The following COQ10A variants were observed in gnomAD, a reference collection of about 807,000 sequenced individuals.
COQ10A encodes the protein coenzyme Q10A.
In COQ10A, 25 loss-of-function variants were observed where a neutral mutation model predicts 26.1. The ratio of observed to expected loss-of-function variants is 0.96; its 90% CI spans 0.70 to 1.34. The LOEUF (loss-of-function observed/expected upper bound fraction) is 1.34, where lower values mean the gene tolerates loss of function less well. COQ10A is among the 40% of genes most tolerant of loss of function. The probability of loss-of-function intolerance (pLI) is 0.00; values close to 1 mark genes in which losing one functional copy is unlikely to be tolerated. For synonymous variants in COQ10A, 132 were observed against 124.0 expected, an observed-to-expected ratio of 1.06 and a Z score of -0.43; for missense variants, 312 against 335.4, an observed-to-expected ratio of 0.93 and a Z score of 0.54.
chr12:56,270,371 CTTAT>C lies in COQ10A; in HGVS notation c.*61_*64del, dbSNP rs746693509. ...CTACCCCACTTCCCTACACAATTCTCTTATTTATTTGGTTTGGCTCCTGTTCCAA... is the reference window on the plus strand; with the variant it reads ...CTACCCCACTTCCCTACACAATTCTCTTATTTGGTTTGGCTCCTGTTCCAA... On this transcript the variant is annotated 3_prime_UTR_variant, in exon 5 of 5. Coordinates refer to ENST00000308197, the MANE Select transcript of COQ10A (RefSeq NM_144576.4). 603 of 1,549,470 alleles carry C rather than the reference CTTAT, an allele frequency of 3.9e-4. No individual in the cohort carries two copies. Among genetic ancestry groups the C allele is most frequent in the Middle Eastern group, 8.7e-4 (5 of 5,752 alleles).
chr12:56,267,473 G>A (rs1301549498), intron 1 of COQ10A: 1 of 1,611,766 alleles, frequency 6.2e-7, no homozygotes, highest in African/African-American at 1.3e-5. Context: ...CGGGCGCCCT[G>A]GGGTCCCCGG....
intron 2 of COQ10A, chr12:56,268,155 TA>T: frequency 1.6e-6 from 1 of 632,702 alleles, no homozygotes; most frequent in Non-Finnish European, 2.7e-6. Context: ...GAAATGAGAC[TA>T]GGGTTGGACT....
rs759099662 is a variant in COQ10A, at chr12:56,267,922, C to T, written c.263C>T (p.Ser88Leu). The change falls in exon 2 of 5, where the codon TCG becomes TTG. Residue 88 changes from serine to leucine, a missense_variant. Transcript: ENST00000308197. ...APFTNKRKAY[S>L]ERRIMGYSMQ... ...TTCACCAACAAGCGAAAGGCTTACT[C>T]GGAGCGTAGAATCATGGGGTAAGCA... is the stretch of plus-strand genomic sequence containing the variant. 17 of 1,614,010 alleles carry T rather than the reference C, an allele frequency of 1.1e-5. No individual in the cohort carries two copies. In the South Asian group the frequency reaches 1.6e-4, roughly 16 times the overall value.
intron 2 of COQ10A, chr12:56,268,454 C>T (rs1245132286): frequency 1.2e-5 from 2 of 164,442 alleles, no homozygotes; most frequent in Admixed American, 1.2e-4. Flanking sequence ...GCACTCCAGC[C>T]TGGGCGACAG....
chr12:56,267,615 T>A, intron 1 of COQ10A, 179 bp from the exon 2 acceptor site: 1 of 1,165,458 alleles, frequency 8.6e-7, no homozygotes, highest in Non-Finnish European at 1.3e-6. Context: ...TTAGCTGCCC[T>A]CGACCTTTTG....
rs895331850 is a variant in COQ10A at position 56,268,161 on chromosome 12, T to C, written c.281+221T>C. On this transcript the variant is annotated intron_variant, in intron 2 of 4. Transcript: ENST00000308197. ...TGCTTAAGTGAAATGAGACTAGGGT[T>C]GGACTATACTTTAAGACAACAGGGC... The C allele has an allele frequency of 9.8e-6, 6 of 612,172 alleles. No homozygotes were observed. In the African/African-American group the frequency reaches 1.1e-4, roughly 11 times the overall value. The allele number at this position is 612,172 out of a possible 1,614,324, so 37.9% of individuals were successfully genotyped here.
chr12:56,270,014 A>T (rs1197597312), intron 4 of COQ10A, 136 bp from the exon 5 acceptor site: 1 of 829,138 alleles, frequency 1.2e-6, no homozygotes. Context: ...CTCAGTCCCA[A>T]GTTAGGGCTC....
rs766654382 is a variant in COQ10A at position 56,269,100 on chromosome 12, A to G, written c.323A>G (p.Gln108Arg). Residue 108 changes from glutamine (Q) to arginine (R), a missense_variant, in exon 3 of 5, where the codon CAG becomes CGG. Transcript: ENST00000308197. ...QEMYEVVSNV[Q>R]EYREFVPWCK... is the part of the protein sequence containing the mutation. ...ATGTATGAGGTGGTGTCCAACGTCC[A>G]GGAGTATCGTGAGTTTGTGCCCTGG... The G allele has an allele frequency of 6.2e-7, 1 of 1,613,980 alleles. No homozygotes were observed. Among genetic ancestry groups the G allele is most frequent in the African/African-American group, 1.3e-5 (1 of 74,894 alleles).
At position 56,270,483 on chromosome 12, in the gene COQ10A, G is replaced by C; in HGVS notation, c.*166G>C. 3 of 733,496 alleles carry C rather than the reference G, an allele frequency of 4.1e-6. No homozygotes were observed. The highest frequency in any genetic ancestry group is 6.5e-6 in the Non-Finnish European group (3 of 461,422). 45.4% of individuals were successfully genotyped at this position (733,496 alleles called of 1,614,324 possible). A position where few individuals can be genotyped will look rare whatever the true frequency, so the allele number is the denominator to read the frequency against. The stretch of plus-strand genomic sequence containing the variant: ...GTTCTATGCTGGCTGGAAATGTTGG[G>C]GGAAAGAGAAGGCAAAGGATGTGGA... On this transcript the variant is annotated 3_prime_UTR_variant, in exon 5 of 5. Coordinates refer to ENST00000308197, the MANE Select transcript of COQ10A (RefSeq NM_144576.4).
chr12:56,270,121 G>A, intron 4 of COQ10A, 29 bp from the exon 5 acceptor site: 1 of 1,604,924 alleles, frequency 6.2e-7, no homozygotes, highest in Non-Finnish European at 8.5e-7. Context: ...TGGTCTGGAA[G>A]TTTCTGACTG....
Position 56,267,198 on chromosome 12 carries a change from C to A in COQ10A, c.80C>A (p.Pro27Gln). Reference protein sequence around the residue: ...AERCCRLSLSPGAQPAPPPGP... With the variant: ...AERCCRLSLSQGAQPAPPPGP... ...CGCTGCTGCCGGCTCTCGCTCAGCC[C>A]GGGCGCGCAACCGGCCCCGCCCCCA... is the stretch of plus-strand genomic sequence containing the variant. Residue 27 changes from proline (P) to glutamine (Q), a missense_variant, in exon 1 of 5, where the codon CCG (proline) becomes CAG (glutamine). Transcript: ENST00000308197. The A allele has an allele frequency of 7.1e-7, 1 of 1,408,720 alleles. No homozygotes were observed. 87.3% of individuals were successfully genotyped at this position (1,408,720 alleles called of 1,614,324 possible).
At chr12:56,269,869 C>A in intron 4 of COQ10A, 1 of 519,640 alleles carries the variant, frequency 1.9e-6, no homozygotes, top group Non-Finnish European at 3.5e-6. Context: ...TCAGGTGATC[C>A]GTCCGCCTTG....
chr12:56,268,472 C>T (rs1872416260), intron 2 of COQ10A: 2 of 160,260 alleles, frequency 1.2e-5, no homozygotes, highest in African/African-American at 4.8e-5. Context: ...CAGAGCAAGA[C>T]TGTCTCAAAA....
chr12:56,267,541 G>T, intron 1 of COQ10A: 1 of 1,379,448 alleles, frequency 7.2e-7, no homozygotes, highest in Non-Finnish European at 1.0e-6. Context: ...CCCAGTCAAA[G>T]GCAACTGGCG....
In COQ10A at chr12:56,267,247, A is replaced by C. The variant is rs777288596; in HGVS notation, c.129A>C (p.Pro43=). The C allele has an allele frequency of 4.7e-6, 7 of 1,503,038 alleles. No homozygotes were observed. Among genetic ancestry groups the C allele is most frequent in the Non-Finnish European group, 6.2e-6 (7 of 1,124,842 alleles). The allele number at this position is 1,503,038 out of a possible 1,614,324, so 93.1% of individuals were successfully genotyped here. ...PPPGPLPPPR[P]MRFLTSCSLL... Reference sequence around the variant, plus strand: ...CAGGCCCTCTGCCACCGCCGCGACCAATGAGGTGAGAGGGAGGTGACCGCG... The same window carrying C: ...CAGGCCCTCTGCCACCGCCGCGACCCATGAGGTGAGAGGGAGGTGACCGCG... Residue 43 remains proline, a synonymous_variant, in exon 1 of 5, where the codon CCA becomes CCC. Coordinates refer to ENST00000308197, the MANE Select transcript of COQ10A (RefSeq NM_144576.4).
At chr12:56,269,417 A>T (rs747448469) in intron 3 of COQ10A, 43 bp from the exon 4 acceptor site, 1 of 1,513,306 alleles carries the variant, frequency 6.6e-7, no homozygotes, top group Non-Finnish European at 9.2e-7. Context: ...ATTGTATCCT[A>T]TACTTAGTAA....
Position 56,267,680 on chromosome 12 carries a change from G to T in COQ10A, c.135-114G>T, listed in dbSNP as rs753240944. On this transcript the variant is annotated intron_variant, in intron 1 of 4. Coordinates refer to ENST00000308197, the MANE Select transcript of COQ10A (RefSeq NM_144576.4). Reference sequence around the variant, plus strand: ...TAGCGGGCTGCAGCAGGTGCTGGGGGGAAAGCTTGTTTGGACGACCTTCGT... The same window carrying T: ...TAGCGGGCTGCAGCAGGTGCTGGGGTGAAAGCTTGTTTGGACGACCTTCGT... 38 of 1,441,600 alleles carry T rather than the reference G, an allele frequency of 2.6e-5. No homozygotes were observed. In the Admixed American group the frequency reaches 6.4e-4, roughly 24 times the overall value. The allele number at this position is 1,441,600 out of a possible 1,614,324, so 89.3% of individuals were successfully genotyped here.
intron 1 of COQ10A, 33 bp downstream of exon 1, chr12:56,267,285 G>C (rs1464539349): frequency 6.3e-7 from 1 of 1,588,810 alleles, no homozygotes; most frequent in Non-Finnish European, 8.6e-7. Context: ...TGAGGGCAGG[G>C]GGTCGCTGCG....
chr12:56,270,318 G>A lies in COQ10A; in HGVS notation c.*1G>A, dbSNP rs753888657. 3.8e-5 allele frequency: 62 copies of A among 1,613,034 alleles called. No individual in the cohort carries two copies. The highest frequency in any genetic ancestry group is 5.0e-5 in the Non-Finnish European group (59 of 1,179,394). ...GTTCCATGAGGTGCACCAGACTTGA[G>A]GCAAGGGATTGCTCCCTGACCTCCC... On this transcript the variant is annotated 3_prime_UTR_variant, in exon 5 of 5. Transcript: ENST00000308197.
Sources: allele counts gnomAD v4.1 joint callset, GRCh38; gene constraint gnomAD v4.1.1; transcripts MANE v1.5; gene names NCBI Gene and HGNC (gene_info 2026-07-23, HGNC 2026-07-21).